Variants in MUL1 observed in about 807,000 individuals in gnomAD.
MUL1 encodes mitochondrial ubiquitin ligase activator of NFKB 1.
Under a neutral mutation model 34.1 loss-of-function variants are expected in MUL1, and 30 were observed. The observed-to-expected ratio is 0.88, with a 90% CI of 0.66 to 1.19. The LOEUF is 1.19. Among genes scored for constraint, MUL1 ranks in the 50% most tolerant of loss-of-function variants. MUL1 has a pLI of 0.00. For synonymous variants in MUL1, 191 were observed against 187.8 expected, an observed-to-expected ratio of 1.02 and a Z score of -0.14; for missense variants, 419 against 450.5, an observed-to-expected ratio of 0.93 and a Z score of 0.63.
intron 1 of MUL1, among the ~76,000 whole-genome samples, chr1:20,506,075 T>C (rs1261173385): frequency 6.6e-6 from 1 of 152,194 alleles, no homozygotes; most frequent in Non-Finnish European, 1.5e-5. Context: ...AGTTCACACA[T>C]TGGTTTCTTT....
chr1:20,504,784 A>G (rs901931179), intron 1 of MUL1, among the ~76,000 whole-genome samples: 1 of 152,234 alleles, frequency 6.6e-6, no homozygotes, highest in Non-Finnish European at 1.5e-5. Flanking sequence ...AAATTAATGA[A>G]TAAGTAAGCA....
Position 20,499,964 on chromosome 1 carries a change from A to T in MUL1, c.*726T>A, listed in dbSNP as rs2051636507. ...AGCTCTCCCAAGTGGCAGGAGTTCA[A>T]ATCAGGGCCAGTGGCGAAACCAGGA... On this transcript the variant is annotated 3_prime_UTR_variant, in exon 4 of 4. Coordinates refer to ENST00000264198, the MANE Select transcript of MUL1 (RefSeq NM_024544.3). The T allele has an allele frequency of 6.6e-6, 1 of 152,264 alleles. No homozygotes were observed. The allele number at this position is 152,264 out of a possible 1,614,324, so 9.4% of individuals were successfully genotyped here.
Position 20,508,141 on chromosome 1 carries a change from C to A in MUL1, c.-117G>T, listed in dbSNP as rs573918505. 1.1e-5 allele frequency: 16 copies of A among 1,401,572 alleles called. No homozygotes were observed. In the East Asian group the frequency reaches 3.3e-4, roughly 29 times the overall value. 86.8% of individuals were successfully genotyped at this position (1,401,572 alleles called of 1,614,324 possible). ...CCCCGGCCTAACCTGACCGGAAACT[C>A]GAAATCAGTCGCCCAGCGATGACGC... is the stretch of plus-strand genomic sequence containing the variant. On this transcript the variant is annotated 5_prime_UTR_variant, in exon 1 of 4. Transcript: ENST00000264198.
Position 20,501,426 on chromosome 1 carries a change from G to A in MUL1, c.330-7C>T. ...GATCTTTGAGCAATCATTCCTAGAA[G>A]AATAAGAGAACTAAAGATACAGGGT... On this transcript the variant is annotated splice_polypyrimidine_tract_variant and splice_region_variant and intron_variant, in intron 3 of 3. Coordinates refer to ENST00000264198, the MANE Select transcript of MUL1 (RefSeq NM_024544.3). This position sits in a 1 kb window ranked among gnomAD's most constrained non-coding sequence, Gnocchi z 4.2. 6.2e-7 allele frequency: 1 copy of A among 1,607,106 alleles called. No homozygotes were observed. The highest frequency in any genetic ancestry group is 8.5e-7 in the Non-Finnish European group (1 of 1,175,646).
intron 2 of MUL1, 101 bp from the exon 3 acceptor site, chr1:20,502,290 T>C (rs2051670062): frequency 6.6e-7 from 1 of 1,504,614 alleles, no homozygotes; most frequent in South Asian, 1.2e-5. Flanking sequence ...AGGTCACACC[T>C]ATAATCCCAA....
intron 1 of MUL1, among the ~76,000 whole-genome samples, chr1:20,507,092 G>C (rs564095206): frequency 6.8e-6 from 1 of 147,474 alleles, no homozygotes; most frequent in African/African-American, 2.5e-5. Flanking sequence ...AGCTGGGCGT[G>C]GTAATCCCAG....
Position 20,501,183 on chromosome 1 carries a change from A to G in MUL1, c.566T>C (p.Leu189Pro), listed in dbSNP as rs1240431652. The G allele has an allele frequency of 6.2e-7, 1 of 1,614,028 alleles. No individual in the cohort carries two copies. The highest frequency in any genetic ancestry group is 1.1e-5 in the South Asian group (1 of 91,080). Residue 189 changes from leucine (L) to proline (P), a missense_variant, in exon 4 of 4, where the codon CTG (leucine) becomes CCG (proline). Physicochemically the swap from Leu to Pro is moderately conservative, Grantham distance 98. Coordinates refer to ENST00000264198, the MANE Select transcript of MUL1 (RefSeq NM_024544.3). The surrounding 1 kb of genome is among the most constrained non-coding windows in gnomAD (Gnocchi z 4.2). ...PKGIQETEEM[L>P]KVGATLTGVG... ...CCCTGTGAGGGTGGCCCCCACCTTC[A>G]GCATCTCCTCGGTCTCTTGGATGCC...
rs1321279948 is a variant in MUL1 at position 20,501,387 on chromosome 1, G to A, written c.362C>T (p.Thr121Ile). 1.2e-6 allele frequency: 2 copies of A among 1,613,758 alleles called. No individual in the cohort carries two copies. The highest frequency in any genetic ancestry group is 1.3e-5 in the African/African-American group (1 of 75,036). Residue 121 changes from threonine to isoleucine, a missense_variant, in exon 4 of 4, where the codon ACC (threonine) becomes ATC (isoleucine). Coordinates refer to ENST00000264198, the MANE Select transcript of MUL1 (RefSeq NM_024544.3). This position sits in a 1 kb window ranked among gnomAD's most constrained non-coding sequence, Gnocchi z 4.2. ...NDCSKIIHQR[T>I]NTVPFDLVPH... ...CACCAGGTCAAAGGGCACTGTGTTG[G>A]TCCTCTGATGAATGATCTTTGAGCA...
Position 20,508,124 on chromosome 1 carries a change from T to C in MUL1, c.-100A>G. Reference sequence around the variant, plus strand: ...CGACCAGGACCGCACCCCCCCGGCCTAACCTGACCGGAAACTCGAAATCAG... The same window carrying C: ...CGACCAGGACCGCACCCCCCCGGCCCAACCTGACCGGAAACTCGAAATCAG... On this transcript the variant is annotated 5_prime_UTR_variant, in exon 1 of 4. Transcript: ENST00000264198. 1 of 1,452,282 alleles carries C rather than the reference T, an allele frequency of 6.9e-7. No homozygotes were observed. The highest frequency in any genetic ancestry group is 9.1e-7 in the Non-Finnish European group (1 of 1,094,638). 90.0% of individuals were successfully genotyped at this position (1,452,282 alleles called of 1,614,324 possible).
Position 20,507,958 on chromosome 1 carries a change from C to A in MUL1, c.67G>T (p.Ala23Ser). ...ILLGTTSVVT[A>S]ALYSVYRQKA... ...TGCCGGTACACGGAGTACAGGGCGG[C>A]GGTGACCACAGAGGTGGTGCCCAGG... Residue 23 changes from alanine (A) to serine (S), a missense_variant, in exon 1 of 4, where the codon GCC becomes TCC. Physicochemically the swap from Ala to Ser is moderately conservative, Grantham distance 99. Transcript: ENST00000264198. 6.3e-7 allele frequency: 1 copy of A among 1,595,778 alleles called. No homozygotes were observed. The highest frequency in any genetic ancestry group is 2.3e-5 in the East Asian group (1 of 44,228).
At chr1:20,504,906 G>A (rs1395804223) in intron 1 of MUL1, among the ~76,000 whole-genome samples, 1 of 152,154 alleles carries the variant, frequency 6.6e-6, no homozygotes, top group Admixed American at 6.6e-5. Context: ...TACAGACAAG[G>A]AAACAGGCTC....
chr1:20,499,729 T>C lies in MUL1; in HGVS notation c.*961A>G, dbSNP rs2051633522. 2 of 151,686 alleles carry C rather than the reference T, an allele frequency of 1.3e-5. No homozygotes were observed. The highest frequency in any genetic ancestry group is 2.9e-5 in the Non-Finnish European group (2 of 67,962). 9.4% of individuals were successfully genotyped at this position (151,686 alleles called of 1,614,324 possible). On this transcript the variant is annotated 3_prime_UTR_variant, in exon 4 of 4. Transcript: ENST00000264198. ...GTAACACAAGGAGAAGCGACATGAG[T>C]ACACCAAGATGTCAAAGCTGCGACG...
chr1:20,503,132 C>A, intron 2 of MUL1, 90 bp downstream of exon 2: 1 of 923,258 alleles, frequency 1.1e-6, no homozygotes, highest in Admixed American at 2.3e-5. Context: ...GACCCAACAC[C>A]ACAAAAGGCT....
Position 20,501,994 on chromosome 1 carries a change from G to A in MUL1, c.329+75C>T. On this transcript the variant is annotated intron_variant, in intron 3 of 3. Transcript: ENST00000264198. This position sits in a 1 kb window ranked among gnomAD's most constrained non-coding sequence, Gnocchi z 4.2. ...TGTCTCAGGAGAAGCTGAAGTCACGGCAACAGCACCCAGGACCCCAGCATT... is the reference window on the plus strand; with the variant it reads ...TGTCTCAGGAGAAGCTGAAGTCACGACAACAGCACCCAGGACCCCAGCATT... 1 of 1,590,274 alleles carries A rather than the reference G, an allele frequency of 6.3e-7. No individual in the cohort carries two copies. The highest frequency in any genetic ancestry group is 1.1e-5 in the South Asian group (1 of 89,586).
rs772862505 is a variant in MUL1 at position 20,502,181 on chromosome 1, G to A, written c.217C>T (p.Arg73Trp). Residue 73 changes from arginine to tryptophan, a missense_variant, in exon 3 of 4, where the codon CGG (arginine) becomes TGG (tryptophan). Coordinates refer to ENST00000264198, the MANE Select transcript of MUL1 (RefSeq NM_024544.3). ...CTGTTAAGCGTTTCTTTAACAGACC[G>A]CACAGCTCCTAAGTGGACACAAATT... ...VPYAVIEGAV[R>W]SVKETLNSQF... 1.7e-5 allele frequency: 27 copies of A among 1,613,850 alleles called. No homozygotes were observed. The highest frequency in any genetic ancestry group is 1.7e-4 in the Middle Eastern group (1 of 6,016).
chr1:20,505,420 T>C (rs554885706), intron 1 of MUL1, among the ~76,000 whole-genome samples: 2 of 150,974 alleles, frequency 1.3e-5, no homozygotes, highest in Admixed American at 1.3e-4. Flanking sequence ...CCCATCTCTA[T>C]GAAAAATAAA....
intron 1 of MUL1, 83 bp from the exon 2 acceptor site, chr1:20,503,392 G>A: frequency 2.5e-6 from 2 of 798,572 alleles, no homozygotes; most frequent in South Asian, 1.8e-5. Flanking sequence ...AAAAGAAAAA[G>A]ATTCTATTTT....
rs771831279 is a variant in MUL1, at chr1:20,500,713, C to G, written c.1036G>C (p.Val346Leu). Residue 346 changes from valine (V) to leucine (L), a missense_variant, in exon 4 of 4, where the codon GTG becomes CTG. By Grantham distance (32) the Val-to-Leu change is conservative. Coordinates refer to ENST00000264198, the MANE Select transcript of MUL1 (RefSeq NM_024544.3). ...TATTAGCTGTTGTACAGGGGTATCA[C>G]CCGGGTGATCGCCTGTCTGCAGATA... ...CPICRQAITR[V>L]IPLYNS The G allele has an allele frequency of 5.0e-6, 8 of 1,592,696 alleles. No individual in the cohort carries two copies. Among genetic ancestry groups the G allele is most frequent in the Non-Finnish European group, 6.8e-6 (8 of 1,168,514 alleles).
At chr1:20,502,970 C>T (rs2051678388) in intron 2 of MUL1, among the ~76,000 whole-genome samples, 1 of 152,106 alleles carries the variant, frequency 6.6e-6, no homozygotes, top group South Asian at 2.1e-4. Context: ...AAGCACTTTG[C>T]ATGGATCACA....
Sources: allele counts gnomAD v4.1 joint callset (sites outside exome capture counted in the v4.1 genomes callset), GRCh38; gene constraint gnomAD v4.1.1; non-coding constraint Gnocchi (gnomAD v3.1); transcripts MANE v1.5; gene names NCBI Gene and HGNC (gene_info 2026-07-23, HGNC 2026-07-21).